The following ASB2 variants were observed in gnomAD, a reference collection of about 807,000 sequenced individuals.
ASB2 encodes ankyrin repeat and SOCS box containing 2, also known as ankyrin repeat and SOCS box protein 2.
In ASB2, 58 loss-of-function variants were observed where a neutral mutation model predicts 62.4. That is an observed-to-expected ratio of 0.93 (90% CI 0.75 to 1.16). The LOEUF is 1.16. Among genes scored for constraint, ASB2 ranks in the 50% most tolerant of loss-of-function variants. ASB2 has a pLI of 0.00. For missense variants in ASB2, 928 were observed against 887.9 expected, an observed-to-expected ratio of 1.05 and a Z score of -0.57; for synonymous variants, 386 against 385.3, an observed-to-expected ratio of 1.00 and a Z score of -0.02.
chr14:93,957,162 C>A, intron 2 of ASB2: 1 of 1,348,856 alleles, frequency 7.4e-7, no homozygotes, highest in Non-Finnish European at 9.5e-7. Flanking sequence ...CAGCCAACCA[C>A]GAAAGAGGCA....
chr14:93,953,687 C>T lies in ASB2; in HGVS notation c.479-180G>A, dbSNP rs531328069. On this transcript the variant is annotated intron_variant, in intron 4 of 9. Transcript: ENST00000555019. ...GCCATTTTAGCTTCCTGGTCGTACA[C>T]GTCCAAGCTCAGATGCCACGTCCTC... Among the ~76,000 whole-genome samples the T allele has an allele frequency of 7.9e-5, 12 of 152,380 alleles. No individual in the cohort carries two copies. In the East Asian group the frequency reaches 1.2e-3, roughly 15 times the overall value.
rs1361189057 is a variant in ASB2 at position 93,947,375 on chromosome 14, G to A, written c.1026C>T (p.His342=). 1.2e-6 allele frequency: 2 copies of A among 1,614,096 alleles called. No homozygotes were observed. The highest frequency in any genetic ancestry group is 1.7e-6 in the Non-Finnish European group (2 of 1,180,050). The part of the protein sequence containing the change: ...KTNKDGLLPL[H]IASKKGNYRI... ...TGTAGTTGCCCTTCTTGGAGGCGAT[G>A]TGCAGCGGGAGCAAGCCGTCCTTGT... The change falls in exon 7 of 10, where the codon CAC becomes CAT. Residue 342 remains histidine (H), a synonymous_variant. Transcript: ENST00000555019.
chr14:93,974,722 GCT>G (rs766907139), intron 1 of ASB2, among the ~76,000 whole-genome samples: 11 of 152,328 alleles, frequency 7.2e-5, no homozygotes, highest in South Asian at 4.1e-4. Flanking sequence ...AGACTTTTAA[GCT>G]CTCATAACCT....
intron 9 of ASB2, among the ~76,000 whole-genome samples, chr14:93,936,631 A>G (rs571066477): frequency 2.7e-4 from 41 of 152,378 alleles, no homozygotes; most frequent in Admixed American, 6.5e-4. Context: ...ACCTGTGCCA[A>G]TGAAAAATCC....
intron 5 of ASB2, 125 bp from the exon 6 acceptor site, chr14:93,951,369 G>A: frequency 4.3e-6 from 5 of 1,172,896 alleles, no homozygotes; most frequent in Non-Finnish European, 5.9e-6. Flanking sequence ...TGTGTATTAA[G>A]TTCCAATCCC....
intron 1 of ASB2, among the ~76,000 whole-genome samples, chr14:93,969,037 G>A (rs1007609964): frequency 3.9e-5 from 6 of 152,172 alleles, no homozygotes; most frequent in African/African-American, 1.4e-4. Flanking sequence ...AGGGTTCTTG[G>A]GTAAGTTACC....
At chr14:93,936,612 C>T (rs1394760212) in intron 9 of ASB2, among the ~76,000 whole-genome samples, 3 of 152,252 alleles carry the variant, frequency 2.0e-5, no homozygotes, top group Non-Finnish European at 4.4e-5. Context: ...ATTCAAGTGG[C>T]TTCCAGGCAC....
chr14:93,947,492 G>T lies in ASB2; in HGVS notation c.909C>A (p.Asp303Glu). 6.2e-7 allele frequency: 1 copy of T among 1,614,142 alleles called. No homozygotes were observed. Among genetic ancestry groups the T allele is most frequent in the Non-Finnish European group, 8.5e-7 (1 of 1,180,038 alleles). ...AGGCCTCGTAGAGGGCAGACGCGTT[G>T]TCGCTGGCCTGCGTGTTGATGTCAG... is the stretch of plus-strand genomic sequence containing the variant. ...YGADINTQAS[D>E]NASALYEACK... is the part of the protein sequence containing the mutation. The change falls in exon 7 of 10, where the codon GAC becomes GAA. Residue 303 changes from aspartate (D) to glutamate (E), a missense_variant. Physicochemically the swap from Asp to Glu is conservative, Grantham distance 45. Transcript: ENST00000555019.
At chr14:93,948,035 A>C in intron 6 of ASB2, among the ~76,000 whole-genome samples, 1 of 142,552 alleles carries the variant, frequency 7.0e-6, no homozygotes, top group African/African-American at 2.5e-5. Flanking sequence ...GGGGCCTGCC[A>C]GCCCGAACAG....
At chr14:93,940,589 T>A (rs1375235339) in intron 7 of ASB2, 2 of 152,206 alleles carry the variant, frequency 1.3e-5, no homozygotes, top group Non-Finnish European at 2.9e-5. Context: ...TACACTCCTC[T>A]CCTGTCAGTC....
chr14:93,937,325 G>T (rs1277924116), intron 9 of ASB2, among the ~76,000 whole-genome samples: 1 of 152,242 alleles, frequency 6.6e-6, no homozygotes, highest in South Asian at 2.1e-4. Flanking sequence ...AGACATCCTA[G>T]ACCACCATCC....
At chr14:93,974,153 AC>A (rs1246042257) in intron 1 of ASB2, 1 of 151,506 alleles carries the variant, frequency 6.6e-6, no homozygotes, top group African/African-American at 2.4e-5. Flanking sequence ...AGTTCCCCTG[AC>A]CCCGCCTCCA....
At position 93,937,724 on chromosome 14, in the gene ASB2, TC is replaced by T; in HGVS notation, c.1744del (p.Asp582ThrfsTer32). The stretch of plus-strand genomic sequence containing the variant: ...TGCCTTCTCCTTGATGACGGCCCAG[TC>T]CTCAAAGCTGTCGATGTGTTCCTTC... The part of the protein sequence containing the change: ...RLKEHIDSFE[D>X]WAVIKEKAEP... On this transcript the variant is annotated frameshift_variant, in exon 9 of 10. Transcript: ENST00000555019. LOFTEE classifies it high-confidence loss of function. The T allele has an allele frequency of 6.2e-7, 1 of 1,610,036 alleles. No homozygotes were observed. Among genetic ancestry groups the T allele is most frequent in the East Asian group, 2.2e-5 (1 of 44,724 alleles).
intron 7 of ASB2, chr14:93,939,902 G>T (rs1888454632): frequency 2.3e-6 from 1 of 441,512 alleles, no homozygotes. Flanking sequence ...CTGAAGCTCA[G>T]AGAGCTTCAG....
At chr14:93,962,603 A>G (rs2141310976) in intron 2 of ASB2, among the ~76,000 whole-genome samples, 1 of 152,194 alleles carries the variant, frequency 6.6e-6, no homozygotes, top group East Asian at 1.9e-4. Context: ...ATAAATGTTC[A>G]TGGCCCACTG....
chr14:93,946,024 C>A (rs1888709384), intron 7 of ASB2, among the ~76,000 whole-genome samples: 1 of 152,034 alleles, frequency 6.6e-6, no homozygotes, highest in African/African-American at 2.4e-5. Flanking sequence ...GTTTCCTCTT[C>A]AAAATAAATT....
chr14:93,952,789 C>G (rs928048183), intron 5 of ASB2, among the ~76,000 whole-genome samples: 1 of 152,236 alleles, frequency 6.6e-6, no homozygotes, highest in Non-Finnish European at 1.5e-5. Flanking sequence ...ACTAAACACT[C>G]AATCAATGCT....
chr14:93,965,919 A>G (rs960052159), intron 1 of ASB2, among the ~76,000 whole-genome samples: 1 of 152,214 alleles, frequency 6.6e-6, no homozygotes, highest in African/African-American at 2.4e-5. Context: ...CCCTCAGCCT[A>G]GGCCCCAGAG....
rs532421355 is a variant in ASB2, at chr14:93,946,044, T to C, written c.1052+1305A>G. Among the ~76,000 whole-genome samples the C allele has an allele frequency of 5.9e-5, 9 of 152,308 alleles. No individual in the cohort carries two copies. In the East Asian group the frequency reaches 1.7e-3, roughly 29 times the overall value. ...CTCTTCAAAATAAATTCATTGTAAG[T>C]AAAAACATTATTTAAAGGAAAAATT... On this transcript the variant is annotated intron_variant, in intron 7 of 9. Transcript: ENST00000555019.
Sources: allele counts gnomAD v4.1 joint callset (sites outside exome capture counted in the v4.1 genomes callset), GRCh38; gene constraint gnomAD v4.1.1; transcripts MANE v1.5; gene names NCBI Gene and HGNC (gene_info 2026-07-23, HGNC 2026-07-21).